JAKMIP3: variants seen among roughly 807,000 people sequenced by gnomAD.
JAKMIP3 encodes the protein janus kinase and microtubule-interacting protein 3.
Under a neutral mutation model 118.5 loss-of-function variants are expected in JAKMIP3, and 58 were observed. The observed-to-expected ratio is 0.49, with a 90% CI of 0.40 to 0.61. The LOEUF (loss-of-function observed/expected upper bound fraction) is 0.61, where lower values mean the gene tolerates loss of function less well. JAKMIP3 is among the 20% of genes least tolerant of loss of function. The pLI is 0.00. For missense variants in JAKMIP3, 950 were observed against 1,109.0 expected (o/e 0.86, Z 2.04); for synonymous variants, 486 against 451.2 (o/e 1.08, Z -0.98).
At chr10:132,155,107 CGAT>C (rs2056916816) in intron 19 of JAKMIP3, among the ~76,000 whole-genome samples, 2 of 51,396 alleles carry the variant, frequency 3.9e-5, no homozygotes, top group Admixed American at 2.0e-4. Flanking sequence ...ATGATGGTGG[CGAT>C]GATGGTCATG....
intron 2 of JAKMIP3, among the ~76,000 whole-genome samples, chr10:132,111,642 C>T (rs1048142366): frequency 3.3e-5 from 5 of 152,048 alleles, no homozygotes; most frequent in South Asian, 2.1e-4. Flanking sequence ...CAAGGAAAGC[C>T]GGCCTCCCTG....
At position 132,168,116 on chromosome 10, in the gene JAKMIP3, C is replaced by T. The variant is rs1011833275; in HGVS notation, c.*186C>T. The T allele has an allele frequency of 1.6e-6, 2 of 1,288,336 alleles. No individual in the cohort carries two copies. Among genetic ancestry groups the T allele is most frequent in the East Asian group, 5.6e-5 (1 of 17,976 alleles). The allele number at this position is 1,288,336 out of a possible 1,614,324, so 79.8% of individuals were successfully genotyped here. A position where few individuals can be genotyped will look rare whatever the true frequency, so the allele number is the denominator to read the frequency against. On this transcript the variant is annotated 3_prime_UTR_variant, in exon 23 of 24. Coordinates refer to ENST00000684848, the MANE Select transcript of JAKMIP3 (RefSeq NM_001323087.2). The stretch of plus-strand genomic sequence containing the variant: ...AGTGTGTGGGGCGTGGAGCTGCCGT[C>T]CACGTGGGATGTGCCAGAACTAGAA...
intron 10 of JAKMIP3, among the ~76,000 whole-genome samples, chr10:132,140,934 G>A (rs2053391006): frequency 6.6e-6 from 1 of 152,218 alleles, no homozygotes; most frequent in African/African-American, 2.4e-5. Flanking sequence ...AGGAGGGTCT[G>A]AACCACTCAT....
chr10:132,145,109 C>T lies in JAKMIP3; in HGVS notation c.1605C>T (p.Thr535=). 1 of 1,611,918 alleles carries T rather than the reference C, an allele frequency of 6.2e-7. No individual in the cohort carries two copies. The highest frequency in any genetic ancestry group is 1.3e-5 in the African/African-American group (1 of 75,028). ...GTLDAEREVK[T]REQLQAEVQR... ...GTATCTTTCCTCCCGTCCTACAGACCCGTGAGCAGCTACAAGCCGAAGTGC... is the reference window on the plus strand; with the variant it reads ...GTATCTTTCCTCCCGTCCTACAGACTCGTGAGCAGCTACAAGCCGAAGTGC... Residue 535 remains threonine (T), a splice_region_variant and synonymous_variant, in exon 12 of 24, where the codon ACC becomes ACT. Coordinates refer to ENST00000684848, the MANE Select transcript of JAKMIP3 (RefSeq NM_001323087.2).
intron 2 of JAKMIP3, among the ~76,000 whole-genome samples, chr10:132,106,889 AT>A (rs2045993498): frequency 1.3e-5 from 2 of 152,076 alleles, no homozygotes; most frequent in African/African-American, 4.8e-5. Context: ...TATAACAATT[AT>A]CTTTTTTTAA....
chr10:132,091,262 T>G (rs937976066), intron 1 of JAKMIP3, among the ~76,000 whole-genome samples: 6 of 152,208 alleles, frequency 3.9e-5, no homozygotes, highest in Non-Finnish European at 7.3e-5. Flanking sequence ...TCTGTTGATT[T>G]GGGGTGGAGA....
At chr10:132,064,639 C>T (rs372841303), upstream of JAKMIP3, among the ~76,000 whole-genome samples, 30 of 152,260 alleles carry the variant, frequency 2.0e-4, no homozygotes, top group East Asian at 7.7e-4. The surrounding 1 kb of genome is among the most constrained non-coding windows in gnomAD (Gnocchi z 4.4). Context: ...GGACAGCGGG[C>T]GGCTCCGTCA....
At chr10:132,142,662 G>C (rs571968525) in intron 11 of JAKMIP3, among the ~76,000 whole-genome samples, 107 of 152,356 alleles carry the variant, frequency 7.0e-4, no homozygotes, top group South Asian at 2.9e-3. Flanking sequence ...CTCGTGGGGA[G>C]AGCGTGGGCC....
In JAKMIP3 at chr10:132,137,136, G is replaced by C. The variant is rs780921331; in HGVS notation, c.1234G>C (p.Asp412His). 1 of 1,613,964 alleles carries C rather than the reference G, an allele frequency of 6.2e-7. No homozygotes were observed. The highest frequency in any genetic ancestry group is 8.5e-7 in the Non-Finnish European group (1 of 1,179,882). ...GATTGTGGAGCAGCAAAACCTCATAGATGAACTGTCTAAGGTACCCGGCGG... is the reference window on the plus strand; with the variant it reads ...GATTGTGGAGCAGCAAAACCTCATACATGAACTGTCTAAGGTACCCGGCGG... ...LQIVEQQNLI[D>H]ELSKTLETAG... Residue 412 changes from aspartate to histidine, a missense_variant, in exon 7 of 24, where the codon GAT (aspartate) becomes CAT (histidine). Asp to His is a moderately conservative substitution (Grantham distance 81). Coordinates refer to ENST00000684848, the MANE Select transcript of JAKMIP3 (RefSeq NM_001323087.2).
chr10:132,181,481 G>C (rs1385269608), intron 23 of JAKMIP3: 2 of 152,138 alleles, frequency 1.3e-5, no homozygotes, highest in African/African-American at 4.8e-5. Flanking sequence ...TGTAAAATAT[G>C]AGGGCTGGAC....
chr10:132,057,269 C>T (rs1342881892), intron 1 of JAKMIP3, among the ~76,000 whole-genome samples: 5 of 152,180 alleles, frequency 3.3e-5, no homozygotes, highest in Non-Finnish European at 5.9e-5. Context: ...TTGTCCACCC[C>T]AGGAGGGAAG....
intron 3 of JAKMIP3, among the ~76,000 whole-genome samples, chr10:132,127,725 G>A (rs930357145): frequency 6.6e-6 from 1 of 151,764 alleles, no homozygotes; most frequent in African/African-American, 2.4e-5. Flanking sequence ...GCCTTGGATG[G>A]GGTTATCCCA....
intron 14 of JAKMIP3, among the ~76,000 whole-genome samples, chr10:132,148,557 G>C (rs575926187): frequency 6.6e-6 from 1 of 152,280 alleles, no homozygotes; most frequent in African/African-American, 2.4e-5. Flanking sequence ...TGCTGCAGCT[G>C]GTGTGGGGCT....
intron 13 of JAKMIP3, among the ~76,000 whole-genome samples, chr10:132,146,352 C>T (rs1016814176): frequency 1.3e-5 from 2 of 152,248 alleles, no homozygotes; most frequent in South Asian, 4.1e-4. Context: ...AAGAGGGAGT[C>T]ACAGCACCGA....
Position 132,044,430 on chromosome 10 carries a change from C to T in JAKMIP3, c.-138+7692C>T, listed in dbSNP as rs72853193. Among the ~76,000 whole-genome samples the T allele has an allele frequency of 0.046, 7,026 of 152,202 alleles. 233 individuals carry two copies. The highest frequency in any genetic ancestry group is 0.1 in the East Asian group (523 of 5,156). On this transcript the variant is annotated intron_variant, in intron 1 of 23. Transcript: ENST00000657785. This position sits in a 1 kb window ranked among gnomAD's most constrained non-coding sequence, Gnocchi z 5.3. Reference sequence around the variant, plus strand: ...GTCACAATTCTGCAAGAGCTCGTGACGGGAGCTCACCAGTCTAGTAGGGAA... The same window carrying T: ...GTCACAATTCTGCAAGAGCTCGTGATGGGAGCTCACCAGTCTAGTAGGGAA...
chr10:132,087,759 C>A (rs983857571), intron 1 of JAKMIP3, among the ~76,000 whole-genome samples: 1 of 151,470 alleles, frequency 6.6e-6, no homozygotes, highest in Non-Finnish European at 1.5e-5. Context: ...GCACAACGTG[C>A]AGGTTAGTTA....
intron 21 of JAKMIP3, among the ~76,000 whole-genome samples, chr10:132,166,218 CAG>C (rs984503781): frequency 1.4e-4 from 22 of 152,036 alleles, no homozygotes; most frequent in Non-Finnish European, 2.4e-4. Context: ...CTCCGTTACT[CAG>C]GGGGCCGAGG....
rs1162654400 is a variant in JAKMIP3 at position 132,118,185 on chromosome 10, A to C, written c.633+611A>C. Among the ~76,000 whole-genome samples, 1 of 152,126 alleles carries C rather than the reference A, an allele frequency of 6.6e-6. No individual in the cohort carries two copies. Among genetic ancestry groups the C allele is most frequent in the Non-Finnish European group, 1.5e-5 (1 of 68,026 alleles). On this transcript the variant is annotated intron_variant, in intron 3 of 23. Coordinates refer to ENST00000684848, the MANE Select transcript of JAKMIP3 (RefSeq NM_001323087.2). The surrounding 1 kb of genome is among the most constrained non-coding windows in gnomAD (Gnocchi z 4.8). ...ACCAGATGAGCTGCCGGTTTTGTGG[A>C]TCAATGAGGTCTAACGTTGGCATCT...
rs1589857763 is a variant in JAKMIP3 at position 132,118,960 on chromosome 10, G to C, written c.633+1386G>C. 6.6e-6 allele frequency among the ~76,000 whole-genome samples: 1 copy of C among 152,272 alleles called. No homozygotes were observed. The highest frequency in any genetic ancestry group is 1.9e-4 in the East Asian group (1 of 5,174). On this transcript the variant is annotated intron_variant, in intron 3 of 23. Transcript: ENST00000684848. The surrounding 1 kb of genome is among the most constrained non-coding windows in gnomAD (Gnocchi z 4.8). ...GCCACACGACCCTTTCATTTGTCTT[G>C]GTTGGATTCGATGCTCTCAGTAGAG...
Sources: allele counts gnomAD v4.1 joint callset (sites outside exome capture counted in the v4.1 genomes callset), GRCh38; gene constraint gnomAD v4.1.1; non-coding constraint Gnocchi (gnomAD v3.1); transcripts MANE v1.5; gene names NCBI Gene and HGNC (gene_info 2026-07-23, HGNC 2026-07-21).